Variants in KDM1A observed in about 807,000 individuals in gnomAD.
KDM1A encodes the protein lysine-specific histone demethylase 1A.
In KDM1A, 49 loss-of-function variants were observed where a neutral mutation model predicts 109.4. The ratio of observed to expected loss-of-function variants is 0.45; its 90% confidence interval spans 0.36 to 0.57. The LOEUF is 0.57. Ranked by LOEUF, KDM1A falls within the 20% of genes least tolerant of loss-of-function variation. KDM1A has a pLI of 0.00. For missense variants in KDM1A, 668 were observed against 1,116.6 expected, an observed-to-expected ratio of 0.60 and a Z score of 5.73; for synonymous variants, 380 against 415.4, an observed-to-expected ratio of 0.91 and a Z score of 1.04.
At chr1:23,082,900 AG>A (rs1054920186) in intron 20 of KDM1A, 5 of 279,830 alleles carry the variant, frequency 1.8e-5, no homozygotes, top group Non-Finnish European at 2.7e-5. Context: ...GTTATACATG[AG>A]GGAAGGACGC....
In KDM1A at chr1:23,073,553, T is replaced by A. The variant is rs1330935320; in HGVS notation, c.1734+150T>A. 7 of 597,854 alleles carry A rather than the reference T, an allele frequency of 1.2e-5. No homozygotes were observed. In the East Asian group the frequency reaches 1.9e-4, roughly 16 times the overall value. 37.0% of individuals were successfully genotyped at this position (597,854 alleles called of 1,614,324 possible). A position where few individuals can be genotyped will look rare whatever the true frequency, so the allele number is the denominator to read the frequency against. ...ATTCACCTATTTTAAGTGAACAGTT[T>A]ATTGATTTGCCAGACTTCAGTCATA... On this transcript the variant is annotated intron_variant, in intron 15 of 20. Coordinates refer to ENST00000400181, the MANE Select transcript of KDM1A (RefSeq NM_001009999.3).
intron 8 of KDM1A, chr1:23,057,905 A>G (rs1642883123): frequency 6.1e-6 from 1 of 165,088 alleles, no homozygotes; most frequent in African/African-American, 2.5e-5. Context: ...CAGCCTCCCG[A>G]GTAGCTAAGA....
intron 12 of KDM1A, among the ~76,000 whole-genome samples, chr1:23,070,585 G>C (rs2124514613): frequency 6.6e-6 from 1 of 152,278 alleles, no homozygotes. Context: ...GAGGAGGGCA[G>C]ATCACGAGGT....
intron 9 of KDM1A, among the ~76,000 whole-genome samples, chr1:23,063,548 A>T (rs1056909062): frequency 6.6e-6 from 1 of 152,134 alleles, no homozygotes. Context: ...TATCTTTATG[A>T]CAGTCTTTCT....
chr1:23,072,444 T>C (rs1216970662), intron 14 of KDM1A, among the ~76,000 whole-genome samples: 1 of 152,206 alleles, frequency 6.6e-6, no homozygotes, highest in Non-Finnish European at 1.5e-5. Flanking sequence ...GATCTGATAT[T>C]TGGATAAAGA....
rs1642864436 is a variant in KDM1A at position 23,057,464 on chromosome 1, C to CTACTTAAT, written c.991-18_991-11dup. ...GTTAAAACAGAATTGATGATTTTGG[C>CTACTTAAT]TACTTAATTTCTGAAACAGGATCGT... On this transcript the variant is annotated intron_variant, in intron 7 of 20. Transcript: ENST00000400181. The CTACTTAAT allele has an allele frequency of 2.2e-5, 36 of 1,601,056 alleles. No homozygotes were observed. In the East Asian group the frequency reaches 7.8e-4, roughly 35 times the overall value.
Position 23,077,375 on chromosome 1 carries a change from T to C in KDM1A, c.1867+15T>C. ...CACGGCTTCAGGTATGTCACTGCTT[T>C]ACAAAAGGTAAGAGAGAACTCTCCT... On this transcript the variant is annotated intron_variant, in intron 16 of 20. Transcript: ENST00000400181. 3 of 1,607,026 alleles carry C rather than the reference T, an allele frequency of 1.9e-6. No individual in the cohort carries two copies. The highest frequency in any genetic ancestry group is 1.7e-4 in the Middle Eastern group (1 of 6,034).
chr1:23,081,851 G>A (rs1003607481), intron 19 of KDM1A: 21 of 454,238 alleles, frequency 4.6e-5, no homozygotes, highest in East Asian at 7.4e-5. Flanking sequence ...CCAAACTCCA[G>A]TGAGTATCTC....
chr1:23,077,445 T>G, intron 16 of KDM1A, 85 bp downstream of exon 16: 1 of 1,401,484 alleles, frequency 7.1e-7, no homozygotes, highest in South Asian at 1.4e-5. Flanking sequence ...TCAGGTACAT[T>G]TCCTGATAGA....
chr1:23,053,893 GTTC>G, intron 5 of KDM1A, 54 bp downstream of exon 5: 3 of 924,832 alleles, frequency 3.2e-6, no homozygotes, highest in South Asian at 1.3e-5. Flanking sequence ...AAATTGATAC[GTTC>G]TTCTAGGAGC....
Position 23,019,957 on chromosome 1 carries a change from G to A in KDM1A, c.351+10G>A. 6.5e-7 allele frequency: 1 copy of A among 1,527,790 alleles called. No individual in the cohort carries two copies. 94.6% of individuals were successfully genotyped at this position (1,527,790 alleles called of 1,614,324 possible). On this transcript the variant is annotated intron_variant, in intron 1 of 20. Coordinates refer to ENST00000400181, the MANE Select transcript of KDM1A (RefSeq NM_001009999.3). ...GCGCAAGCGGGCGAAGGTAAGGCTC[G>A]ACCCTTCCCTCAAACGACACCGCCT...
rs1175257334 is a variant in KDM1A at position 23,082,312 on chromosome 1, T to C, written c.2391T>C (p.Tyr797=). 1.2e-6 allele frequency: 2 copies of C among 1,614,036 alleles called. No homozygotes were observed. The highest frequency in any genetic ancestry group is 1.7e-6 in the Non-Finnish European group (2 of 1,180,004). Residue 797 remains tyrosine, a synonymous_variant, in exon 20 of 21, where the codon TAT becomes TAC. Transcript: ENST00000400181. ...YVAAGSSGND[Y]DLMAQPITPG... is the part of the protein sequence containing the mutation. ...CTGCAGGATCATCTGGAAATGACTATGATTTAATGGCTCAGCCAATCACTC... is the reference window on the plus strand; with the variant it reads ...CTGCAGGATCATCTGGAAATGACTACGATTTAATGGCTCAGCCAATCACTC...
intron 18 of KDM1A, among the ~76,000 whole-genome samples, chr1:23,080,025 T>C (rs967360380): frequency 6.6e-6 from 1 of 152,214 alleles, no homozygotes; most frequent in Non-Finnish European, 1.5e-5. Flanking sequence ...GATTCTTTGA[T>C]TACTTCTCTT....
At position 23,055,925 on chromosome 1, in the gene KDM1A, C is replaced by G. The variant is rs1190974947; in HGVS notation, c.884-7C>G. 1 of 1,576,436 alleles carries G rather than the reference C, an allele frequency of 6.3e-7. No homozygotes were observed. Among genetic ancestry groups the G allele is most frequent in the African/African-American group, 1.4e-5 (1 of 72,882 alleles). ...ACAAAATCTTTTTTTTCATTTTTTG[C>G]TTTTAGCTAAAAAGACAGGAAAGGT... On this transcript the variant is annotated splice_polypyrimidine_tract_variant and splice_region_variant and intron_variant, in intron 6 of 20. Coordinates refer to ENST00000400181, the MANE Select transcript of KDM1A (RefSeq NM_001009999.3).
At chr1:23,051,324 A>G (rs1261850085) in intron 4 of KDM1A, among the ~76,000 whole-genome samples, 2 of 152,212 alleles carry the variant, frequency 1.3e-5, no homozygotes, top group Non-Finnish European at 2.9e-5. Context: ...AGTCTTATGC[A>G]TTCTTGACTC....
chr1:23,074,541 G>A (rs567646034), intron 15 of KDM1A, among the ~76,000 whole-genome samples: 16 of 152,192 alleles, frequency 1.1e-4, no homozygotes, highest in African/African-American at 3.6e-4. Flanking sequence ...GGGCTCAAGT[G>A]ATCTTCCTGC....
chr1:23,073,459 A>C, intron 15 of KDM1A, 56 bp downstream of exon 15: 1 of 936,748 alleles, frequency 1.1e-6, no homozygotes, highest in Non-Finnish European at 1.7e-6. Flanking sequence ...GGATTGTAAG[A>C]GAAATAGTTA....
intron 1 of KDM1A, among the ~76,000 whole-genome samples, chr1:23,025,549 A>G (rs953674199): frequency 2.0e-5 from 3 of 151,984 alleles, no homozygotes; most frequent in African/African-American, 7.2e-5. Context: ...AGGCTGGTCT[A>G]GAACTCCTTA....
chr1:23,049,874 CA>C (rs1159840266), intron 3 of KDM1A, among the ~76,000 whole-genome samples: 1 of 152,144 alleles, frequency 6.6e-6, no homozygotes, highest in Admixed American at 6.5e-5. Context: ...TAATTTCTCT[CA>C]CTGCTTGCCA....
Sources: gnomAD v4.1 joint callset for allele counts (sites outside exome capture counted in the v4.1 genomes callset) on GRCh38, gnomAD v4.1.1 for gene constraint, MANE v1.5 for transcripts, NCBI Gene and HGNC (gene_info 2026-07-23, HGNC 2026-07-21) for gene names.